Variants in GOLGA2 observed in about 807,000 individuals in gnomAD.
The protein encoded by GOLGA2 is golgin A2.
Under a neutral mutation model 148.8 loss-of-function variants are expected in GOLGA2, and 49 were observed. The observed-to-expected ratio is 0.33, with a 90% confidence interval of 0.26 to 0.42. The LOEUF (loss-of-function observed/expected upper bound fraction) is 0.42, where lower values mean the gene tolerates loss of function less well. GOLGA2 is among the 10% of genes least tolerant of loss of function. GOLGA2 has a pLI of 1.00. For synonymous variants in GOLGA2, 501 were observed against 511.8 expected (o/e 0.98, Z 0.28); for missense variants, 1,178 against 1,304.6 (o/e 0.90, Z 1.49).
chr9:128,260,264 TC>T lies in GOLGA2; in HGVS notation c.1759-76del. 7.8e-7 allele frequency: 1 copy of T among 1,276,876 alleles called. No homozygotes were observed. The allele number at this position is 1,276,876 out of a possible 1,614,324, so 79.1% of individuals were successfully genotyped here. ...AGAACTTGCTGCCTTGGTGTCTGCC[TC>T]CCATGGCACCGGGAAGGGTGGAGGC... On this transcript the variant is annotated intron_variant, in intron 18 of 26. Coordinates refer to ENST00000611957, the MANE Select transcript of GOLGA2 (RefSeq NM_001366244.2). The surrounding 1 kb of genome is among the most constrained non-coding windows in gnomAD (Gnocchi z 4.8).
Position 128,268,458 on chromosome 9 carries a change from A to C in GOLGA2, c.355T>G (p.Ser119Ala). 1 of 1,611,448 alleles carries C rather than the reference A, an allele frequency of 6.2e-7. No individual in the cohort carries two copies. Among genetic ancestry groups the C allele is most frequent in the Non-Finnish European group, 8.5e-7 (1 of 1,178,078 alleles). ...DDTVLPGGVPSPGASLTSMAA... is the reference protein window; with the variant it reads ...DDTVLPGGVPAPGASLTSMAA... ...ATGCTAGTGAGACTGGCACCAGGGG[A>C]AGGGACACCGCCAGGTAACACGGTG... The change falls in exon 4 of 27, where the codon TCC (serine) becomes GCC (alanine). Residue 119 changes from serine to alanine, a missense_variant. Ser to Ala is a moderately conservative substitution (Grantham distance 99). Coordinates refer to ENST00000611957, the MANE Select transcript of GOLGA2 (RefSeq NM_001366244.2).
chr9:128,269,280 AG>A (rs1289623711), intron 3 of GOLGA2, among the ~76,000 whole-genome samples: 8 of 149,476 alleles, frequency 5.4e-5, no homozygotes, highest in Admixed American at 3.3e-4. Context: ...AGGCCTTTTC[AG>A]GGGGAAAAAA....
At chr9:128,269,466 T>C (rs562521727) in intron 3 of GOLGA2, among the ~76,000 whole-genome samples, 2 of 152,240 alleles carry the variant, frequency 1.3e-5, no homozygotes, top group South Asian at 2.1e-4. Context: ...AACTTGGAAG[T>C]TGTAGGGCCT....
In GOLGA2 at chr9:128,257,862, C is replaced by A; in HGVS notation, c.2539G>T (p.Ala847Ser). 3.7e-6 allele frequency: 6 copies of A among 1,614,180 alleles called. No homozygotes were observed. Among genetic ancestry groups the A allele is most frequent in the Non-Finnish European group, 5.1e-6 (6 of 1,180,016 alleles). Residue 847 changes from alanine (A) to serine (S), a missense_variant, in exon 24 of 27, where the codon GCA (alanine) becomes TCA (serine). Transcript: ENST00000611957. The surrounding 1 kb of genome is among the most constrained non-coding windows in gnomAD (Gnocchi z 8.0). The stretch of plus-strand genomic sequence containing the variant: ...TCCTCTACCCTCTCCTTCAGGTCTG[C>A]CTTCTCCTGCATGAGCTCCATAAAG... ...SRFMELMQEK[A>S]DLKERVEELE...
In GOLGA2 at chr9:128,266,845, G is replaced by T; in HGVS notation, c.642+349C>A. On this transcript the variant is annotated intron_variant, in intron 8 of 26. Transcript: ENST00000611957. The surrounding 1 kb of genome is among the most constrained non-coding windows in gnomAD (Gnocchi z 4.2). ...AATGCAAGCCCAAGGAGGAGAGGTGGCTTGTCCCAAATCAAAGAGCAAATT... is the reference window on the plus strand; with the variant it reads ...AATGCAAGCCCAAGGAGGAGAGGTGTCTTGTCCCAAATCAAAGAGCAAATT... The T allele has an allele frequency of 4.9e-6, 2 of 409,928 alleles. No homozygotes were observed. The highest frequency in any genetic ancestry group is 5.2e-5 in the South Asian group (2 of 38,778). 25.4% of individuals were successfully genotyped at this position (409,928 alleles called of 1,614,324 possible).
In GOLGA2 at chr9:128,261,126, C is replaced by G. The variant is rs761684812; in HGVS notation, c.1420+46G>C. ...GGGCATTCTAAACCACCCCCACAAC[C>G]CTCTGACACCATTCCTGCTCCCAGG... On this transcript the variant is annotated intron_variant, in intron 17 of 26. Coordinates refer to ENST00000611957, the MANE Select transcript of GOLGA2 (RefSeq NM_001366244.2). The surrounding 1 kb of genome is among the most constrained non-coding windows in gnomAD (Gnocchi z 5.7). 6 of 1,318,448 alleles carry G rather than the reference C, an allele frequency of 4.6e-6. No homozygotes were observed. The highest frequency in any genetic ancestry group is 2.9e-5 in the African/African-American group (2 of 68,770). 81.7% of individuals were successfully genotyped at this position (1,318,448 alleles called of 1,614,324 possible).
intron 1 of GOLGA2, among the ~76,000 whole-genome samples, chr9:128,274,839 G>A (rs1831209680): frequency 6.6e-6 from 1 of 152,118 alleles, no homozygotes; most frequent in South Asian, 2.1e-4. Flanking sequence ...AAGATGCCCC[G>A]TATTTATCCT....
intron 8 of GOLGA2, 27 bp downstream of exon 8, chr9:128,267,167 A>G: frequency 7.3e-7 from 1 of 1,361,192 alleles, no homozygotes; most frequent in South Asian, 1.2e-5. Flanking sequence ...AGCAGCATGG[A>G]ATCAGGGGAC....
intron 2 of GOLGA2, 183 bp downstream of exon 2, chr9:128,273,667 T>C: frequency 1.5e-6 from 1 of 663,476 alleles, no homozygotes; most frequent in East Asian, 2.7e-5. Context: ...TTTATAGTTG[T>C]GAAAAGAGAG....
chr9:128,261,319 A>G lies in GOLGA2; in HGVS notation c.1333-60T>C. 7.1e-7 allele frequency: 1 copy of G among 1,399,708 alleles called. No individual in the cohort carries two copies. Among genetic ancestry groups the G allele is most frequent in the Non-Finnish European group, 1.0e-6 (1 of 985,578 alleles). The allele number at this position is 1,399,708 out of a possible 1,614,324, so 86.7% of individuals were successfully genotyped here. On this transcript the variant is annotated intron_variant, in intron 16 of 26. Coordinates refer to ENST00000611957, the MANE Select transcript of GOLGA2 (RefSeq NM_001366244.2). This position sits in a 1 kb window ranked among gnomAD's most constrained non-coding sequence, Gnocchi z 5.7. ...GGGGCTGGTGGCTGGACAGGCTACC[A>G]TCTCCCTCTGCCCCCACCGCCACAA...
chr9:128,265,923 G>T, intron 10 of GOLGA2, 42 bp from the exon 11 acceptor site: 1 of 1,606,546 alleles, frequency 6.2e-7, no homozygotes. Flanking sequence ...AAGAAGGAAA[G>T]AAACATTCTC....
chr9:128,268,231 A>G, intron 4 of GOLGA2, 71 bp from the exon 5 acceptor site: 1 of 1,367,462 alleles, frequency 7.3e-7, no homozygotes, highest in Non-Finnish European at 1.0e-6. Flanking sequence ...GGGTGAGTCA[A>G]GCTCCCAAAC....
In GOLGA2 at chr9:128,258,801, C is replaced by G. The variant is rs1830070327; in HGVS notation, c.2173+206G>C. ...AGTTCTGACCTGCTTCATTTCTGACCTGGGCCAGTTCACCCATCCTTAGGT... is the reference window on the plus strand; with the variant it reads ...AGTTCTGACCTGCTTCATTTCTGACGTGGGCCAGTTCACCCATCCTTAGGT... On this transcript the variant is annotated intron_variant, in intron 21 of 26. Transcript: ENST00000611957. This position sits in a 1 kb window ranked among gnomAD's most constrained non-coding sequence, Gnocchi z 6.6. The G allele has an allele frequency of 1.6e-6, 1 of 619,820 alleles. No individual in the cohort carries two copies. The allele number at this position is 619,820 out of a possible 1,614,324, so 38.4% of individuals were successfully genotyped here. A position where few individuals can be genotyped will look rare whatever the true frequency, so the allele number is the denominator to read the frequency against.
rs4837259 is a variant in GOLGA2 at position 128,271,946 on chromosome 9, C to G, written c.288+839G>C. 0.069 allele frequency among the ~76,000 whole-genome samples: 10,396 copies of G among 151,638 alleles called. 549 individuals are homozygous for G. Among genetic ancestry groups the G allele is most frequent in the East Asian group, 0.27 (1,376 of 5,158 alleles). ...ACCTCACAACTTTTACAGTTAGTTC[C>G]TCTGAAAAAATAGCTTCAATCCTTC... On this transcript the variant is annotated intron_variant, in intron 3 of 26. Transcript: ENST00000611957. The surrounding 1 kb of genome is among the most constrained non-coding windows in gnomAD (Gnocchi z 4.4).
At position 128,268,180 on chromosome 9, in the gene GOLGA2, T is replaced by C. The variant is rs750619333; in HGVS notation, c.394-20A>G. ...ATGATTCTGTTTGGGAAGAAACGTG[T>C]GAGATGGTCATTCAATTTCTGGTAA... On this transcript the variant is annotated intron_variant, in intron 4 of 26. Coordinates refer to ENST00000611957, the MANE Select transcript of GOLGA2 (RefSeq NM_001366244.2). 6 of 1,606,060 alleles carry C rather than the reference T, an allele frequency of 3.7e-6. No individual in the cohort carries two copies. The highest frequency in any genetic ancestry group is 4.3e-6 in the Non-Finnish European group (5 of 1,172,718).
intron 2 of GOLGA2, among the ~76,000 whole-genome samples, chr9:128,273,416 G>A (rs924241616): frequency 6.6e-6 from 1 of 152,080 alleles, no homozygotes; most frequent in African/African-American, 2.4e-5. Context: ...CTAGCACCTG[G>A]GACTCTCCTC....
intron 4 of GOLGA2, 55 bp from the exon 5 acceptor site, chr9:128,268,215 A>ATCCT: frequency 6.9e-7 from 1 of 1,455,384 alleles, no homozygotes; most frequent in Non-Finnish European, 9.7e-7. Flanking sequence ...AGAATCACCC[A>ATCCT]GGATGGGGTG....
Position 128,257,534 on chromosome 9 carries a change from A to T in GOLGA2, c.2719-9T>A. On this transcript the variant is annotated splice_polypyrimidine_tract_variant and intron_variant, in intron 25 of 26. Coordinates refer to ENST00000611957, the MANE Select transcript of GOLGA2 (RefSeq NM_001366244.2). The surrounding 1 kb of genome is among the most constrained non-coding windows in gnomAD (Gnocchi z 8.0). ...AGCTCCAGCAGCTTCACCTGGAGGG[A>T]GGGGTGCTAAGCTGCCATGCCCATG... is the stretch of plus-strand genomic sequence containing the variant. The T allele has an allele frequency of 1.2e-6, 2 of 1,614,008 alleles. No individual in the cohort carries two copies. The highest frequency in any genetic ancestry group is 2.2e-5 in the South Asian group (2 of 91,084).
intron 6 of GOLGA2, 41 bp from the exon 7 acceptor site, chr9:128,267,558 T>C (rs1588488075): frequency 2.1e-6 from 3 of 1,444,740 alleles, no homozygotes; most frequent in Non-Finnish European, 2.9e-6. Flanking sequence ...TTCTGTCCCC[T>C]CAGTGTCTAA....
Sources: gnomAD v4.1 joint callset for allele counts (sites outside exome capture counted in the v4.1 genomes callset) on GRCh38, gnomAD v4.1.1 for gene constraint, Gnocchi (gnomAD v3.1) non-coding constraint, MANE v1.5 for transcripts, NCBI Gene and HGNC (gene_info 2026-07-23, HGNC 2026-07-21) for gene names.